Variants in PRKG1 observed in about 807,000 individuals in gnomAD.
The protein encoded by PRKG1 is cGMP-dependent protein kinase 1.
A neutral mutation model predicts 88.1 loss-of-function variants in PRKG1; 35 were observed. That is an observed-to-expected ratio of 0.40 (90% confidence interval 0.30 to 0.53). The LOEUF (loss-of-function observed/expected upper bound fraction) is 0.53. Ranked by LOEUF, PRKG1 falls within the 20% of genes least tolerant of loss-of-function variation. PRKG1 has a pLI of 0.59. For missense variants in PRKG1, 540 were observed against 839.8 expected, an observed-to-expected ratio of 0.64 and a Z score of 4.41; for synonymous variants, 303 against 292.5, an observed-to-expected ratio of 1.04 and a Z score of -0.37.
At chr10:51,626,155 G>C (rs1013949827) in intron 3 of PRKG1, among the ~76,000 whole-genome samples, 1 of 152,132 alleles carries the variant, frequency 6.6e-6, no homozygotes, top group African/African-American at 2.4e-5. Flanking sequence ...TGTTTACTAC[G>C]ATTGTGGGAA....
At chr10:51,858,062 G>A (rs9415982) in intron 4 of PRKG1, among the ~76,000 whole-genome samples, 34,288 of 34,496 alleles carry the variant, frequency 0.99, 17,048 homozygotes, top group Middle Eastern at 1. Context: ...AAATATATAT[G>A]CATATTATAC....
chr10:52,024,244 A>G (rs1465261208), intron 5 of PRKG1, among the ~76,000 whole-genome samples: 2 of 152,120 alleles, frequency 1.3e-5, no homozygotes, highest in Admixed American at 1.3e-4. Flanking sequence ...CCATCAAGCT[A>G]CCATTAACTT....
At chr10:51,357,360 G>T (rs1842388216) in intron 2 of PRKG1, among the ~76,000 whole-genome samples, 1 of 151,946 alleles carries the variant, frequency 6.6e-6, no homozygotes, top group Non-Finnish European at 1.5e-5. Context: ...AGGGAAAGCA[G>T]CTTCTGTCTT....
At chr10:50,992,932 TCTGAGTTTGGGGCCCTCAGGGGACTC>T (rs888260339) in intron 1 of PRKG1, among the ~76,000 whole-genome samples, 1 of 152,178 alleles carries the variant, frequency 6.6e-6, no homozygotes, top group African/African-American at 2.4e-5. Flanking sequence ...TCATTTGCTG[TCTGAGTTTGGGGCCCTCAGGGGACTC>T]CTAAACTAGT....
chr10:51,407,589 CCTT>C (rs1430450905), intron 2 of PRKG1, among the ~76,000 whole-genome samples: 3 of 152,322 alleles, frequency 2.0e-5, no homozygotes, highest in Non-Finnish European at 2.9e-5. Flanking sequence ...TTGAGGGTTA[CCTT>C]CTTCTACTAC....
intron 6 of PRKG1, among the ~76,000 whole-genome samples, chr10:52,062,108 A>G (rs1310251807): frequency 6.6e-6 from 1 of 152,178 alleles, no homozygotes; most frequent in African/African-American, 2.4e-5. Flanking sequence ...TAAATAATTA[A>G]AACAATATTA....
intron 2 of PRKG1, among the ~76,000 whole-genome samples, chr10:51,261,488 T>G (rs532272193): frequency 6.6e-6 from 1 of 152,290 alleles, no homozygotes; most frequent in African/African-American, 2.4e-5. Context: ...TGATAAACAA[T>G]ATAACTGTTG....
intron 3 of PRKG1, among the ~76,000 whole-genome samples, chr10:51,702,686 A>G (rs535510288): frequency 5.3e-5 from 8 of 151,034 alleles, no homozygotes; most frequent in Admixed American, 5.2e-4. Context: ...AACTTAATCC[A>G]TTGTTCAAAA....
At chr10:51,549,939 T>C (rs1431224661) in intron 3 of PRKG1, among the ~76,000 whole-genome samples, 6 of 152,100 alleles carry the variant, frequency 3.9e-5, no homozygotes, top group Non-Finnish European at 7.4e-5. Context: ...GTTTTTGTTA[T>C]TGCTTTTGCC....
chr10:51,574,144 T>C (rs1837827177), intron 3 of PRKG1, among the ~76,000 whole-genome samples: 1 of 151,938 alleles, frequency 6.6e-6, no homozygotes, highest in African/African-American at 2.4e-5. Context: ...CTGAAATAAA[T>C]GACAAATGCG....
chr10:51,332,340 G>C (rs1377443824), intron 2 of PRKG1, among the ~76,000 whole-genome samples: 1 of 152,134 alleles, frequency 6.6e-6, no homozygotes, highest in Non-Finnish European at 1.5e-5. Context: ...AATGGGCCAT[G>C]CTATTCCTTA....
At chr10:51,213,330 G>A (rs542423186) in intron 2 of PRKG1, among the ~76,000 whole-genome samples, 1 of 152,128 alleles carries the variant, frequency 6.6e-6, no homozygotes, top group Non-Finnish European at 1.5e-5. Flanking sequence ...GTTGGGGGAG[G>A]GGGGAGGTAT....
chr10:51,615,708 T>A (rs1179804848), intron 3 of PRKG1, among the ~76,000 whole-genome samples: 2 of 151,814 alleles, frequency 1.3e-5, no homozygotes, highest in Admixed American at 6.6e-5. Context: ...CTTATTCATA[T>A]CCTAAATTGT....
intron 1 of PRKG1, among the ~76,000 whole-genome samples, chr10:50,993,757 G>C (rs1242518262): frequency 6.6e-6 from 1 of 152,260 alleles, no homozygotes; most frequent in Non-Finnish European, 1.5e-5. Flanking sequence ...CCTTCCCAGA[G>C]TCCACTGTCA....
chr10:51,036,583 C>T (rs1239116999), intron 1 of PRKG1, among the ~76,000 whole-genome samples: 1 of 152,022 alleles, frequency 6.6e-6, no homozygotes, highest in Non-Finnish European at 1.5e-5. Context: ...TCTTTTCATG[C>T]TTTTCATCAA....
At chr10:51,041,939 T>C (rs1443059834) in intron 1 of PRKG1, among the ~76,000 whole-genome samples, 13 of 152,234 alleles carry the variant, frequency 8.5e-5, no homozygotes, top group African/African-American at 2.9e-4. Context: ...TCAAGGTACT[T>C]GTTATTGAGT....
At chr10:51,833,843 T>C (rs1416790711) in intron 4 of PRKG1, among the ~76,000 whole-genome samples, 1 of 152,186 alleles carries the variant, frequency 6.6e-6, no homozygotes, top group Non-Finnish European at 1.5e-5. Context: ...GTCTGCCCTT[T>C]CTCTGTCTAC....
chr10:51,481,869 G>A (rs143737620), intron 3 of PRKG1, among the ~76,000 whole-genome samples: 162 of 152,058 alleles, frequency 1.1e-3, no homozygotes, highest in African/African-American at 3.6e-3. Context: ...TGAACAGAAC[G>A]TCAAGCTCAT....
At chr10:51,749,357 G>T (rs543248103) in intron 3 of PRKG1, among the ~76,000 whole-genome samples, 1 of 152,124 alleles carries the variant, frequency 6.6e-6, no homozygotes, top group East Asian at 1.9e-4. Flanking sequence ...AGGCTGCCAC[G>T]AGCATGGCCA....
Sources: gnomAD v4.1 joint callset for allele counts (sites outside exome capture counted in the v4.1 genomes callset) on GRCh38, gnomAD v4.1.1 for gene constraint, MANE v1.5 for transcripts, NCBI Gene and HGNC (gene_info 2026-07-23, HGNC 2026-07-21) for gene names.